Variants in HNF1B observed in about 807,000 individuals in gnomAD.
HNF1B encodes hepatocyte nuclear factor 1-beta.
A neutral mutation model predicts 61.7 loss-of-function variants in HNF1B; 8 were observed. The observed-to-expected ratio is 0.13, with a 90% confidence interval of 0.08 to 0.23. The LOEUF is 0.23. Ranked by LOEUF, HNF1B falls within the 10% of genes least tolerant of loss-of-function variation. The pLI, the probability that HNF1B is intolerant of heterozygous loss-of-function variation, is 1.00. For synonymous variants in HNF1B, 314 were observed against 287.7 expected (o/e 1.09, Z -0.93); for missense variants, 562 against 714.5 (o/e 0.79, Z 2.43).
intron 4 of HNF1B, among the ~76,000 whole-genome samples, chr17:37,716,628 A>G (rs1467219761): frequency 1.3e-5 from 2 of 152,164 alleles, no homozygotes; most frequent in African/African-American, 4.8e-5. Flanking sequence ...CTGTGTGTTC[A>G]AAGACAAACA....
intron 4 of HNF1B, among the ~76,000 whole-genome samples, chr17:37,720,487 G>C (rs979903263): frequency 6.6e-6 from 1 of 151,674 alleles, no homozygotes; most frequent in East Asian, 1.9e-4. Flanking sequence ...CTAGAGAAGA[G>C]AAAATATGCC....
chr17:37,714,501 C>A (rs2033040704), intron 4 of HNF1B, among the ~76,000 whole-genome samples: 1 of 152,194 alleles, frequency 6.6e-6, no homozygotes, highest in African/African-American at 2.4e-5. Context: ...AGCCATTCAC[C>A]TTCTACTTAC....
chr17:37,730,312 G>A (rs1259536244), intron 4 of HNF1B: 1 of 152,612 alleles, frequency 6.6e-6, no homozygotes, highest in African/African-American at 2.4e-5. Context: ...CCCTAAAGGG[G>A]CGAAGTTACT....
chr17:37,709,697 C>T (rs2032869713), intron 5 of HNF1B, among the ~76,000 whole-genome samples: 1 of 152,134 alleles, frequency 6.6e-6, no homozygotes, highest in African/African-American at 2.4e-5. Flanking sequence ...ATTTACACGA[C>T]AACAACAACA....
intron 8 of HNF1B, among the ~76,000 whole-genome samples, chr17:37,697,857 G>GAT: frequency 6.6e-6 from 1 of 152,256 alleles, no homozygotes; most frequent in South Asian, 2.1e-4. Context: ...GTGTGTTTCA[G>GAT]TGCCCAAGAC....
intron 4 of HNF1B, among the ~76,000 whole-genome samples, chr17:37,727,922 C>G (rs930285907): frequency 7.9e-5 from 12 of 151,960 alleles, no homozygotes; most frequent in African/African-American, 2.9e-4. Flanking sequence ...CTTGTTCCCC[C>G]CAGCTCAGTC....
Position 37,739,600 on chromosome 17 carries a change from G to A in HNF1B, c.384C>T (p.Tyr128=), listed in dbSNP as rs1167655199. The A allele has an allele frequency of 6.2e-7, 1 of 1,613,898 alleles. No homozygotes were observed. Among genetic ancestry groups the A allele is most frequent in the Non-Finnish European group, 8.5e-7 (1 of 1,179,976 alleles). Residue 128 remains tyrosine, a synonymous_variant, in exon 2 of 9, where the codon TAC becomes TAT. Transcript: ENST00000617811. ...PWRAAKMIKG[Y]MQQHNIPQRE... ...TCTGGGGGATGTTGTGTTGCTGCAT[G>A]TAACCCTTGATCATTTTAGCAGCCC... is the stretch of plus-strand genomic sequence containing the variant.
chr17:37,709,077 C>T (rs1171791966), intron 5 of HNF1B, among the ~76,000 whole-genome samples: 1 of 152,032 alleles, frequency 6.6e-6, no homozygotes, highest in African/African-American at 2.4e-5. Context: ...ATCTGCGGCT[C>T]CTCCCTCCCC....
chr17:37,740,207 G>A (rs993139681), intron 1 of HNF1B, among the ~76,000 whole-genome samples: 3 of 152,134 alleles, frequency 2.0e-5, no homozygotes, highest in African/African-American at 7.2e-5. Flanking sequence ...GACCTTAGGT[G>A]ATCCATCTGC....
At chr17:37,711,274 G>A (rs1030401152) in intron 4 of HNF1B, among the ~76,000 whole-genome samples, 17 of 152,196 alleles carry the variant, frequency 1.1e-4, no homozygotes, top group African/African-American at 3.9e-4. Flanking sequence ...ATGAAGCTGC[G>A]TCTAGGAGCT....
At chr17:37,704,063 C>A (rs2032658466) in intron 6 of HNF1B, among the ~76,000 whole-genome samples, 1 of 152,188 alleles carries the variant, frequency 6.6e-6, no homozygotes, top group Non-Finnish European at 1.5e-5. Context: ...AGCAATACAT[C>A]CAAGGGTCAC....
chr17:37,686,461 G>A lies in HNF1B; in HGVS notation c.*911C>T, dbSNP rs1324287125. ...ATAAAATAAATTGTTTTAATGGAAG[G>A]CTTTCTGAGACTGCAACTTTTTCTT... On this transcript the variant is annotated 3_prime_UTR_variant, in exon 9 of 9. Coordinates refer to ENST00000617811, the MANE Select transcript of HNF1B (RefSeq NM_000458.4). 1 of 152,156 alleles carries A rather than the reference G, an allele frequency of 6.6e-6. No individual in the cohort carries two copies. The highest frequency in any genetic ancestry group is 2.1e-4 in the South Asian group (1 of 4,828). 9.4% of individuals were successfully genotyped at this position (152,156 alleles called of 1,614,324 possible).
intron 4 of HNF1B, among the ~76,000 whole-genome samples, chr17:37,717,732 A>G (rs1294233124): frequency 6.6e-6 from 1 of 152,234 alleles, no homozygotes; most frequent in African/African-American, 2.4e-5. Context: ...GAATGTGAAC[A>G]ATTCCCTGGC....
At chr17:37,740,850 T>G (rs1441283161) in intron 1 of HNF1B, among the ~76,000 whole-genome samples, 1 of 152,248 alleles carries the variant, frequency 6.6e-6, no homozygotes, top group Admixed American at 6.5e-5. Context: ...ACCTTTGAAT[T>G]TTATTTGTCT....
intron 5 of HNF1B, among the ~76,000 whole-genome samples, chr17:37,705,532 AT>A (rs1213811895): frequency 4.0e-5 from 6 of 151,854 alleles, no homozygotes; most frequent in Admixed American, 3.3e-4. Flanking sequence ...ACATTACAAA[AT>A]TTTTTTTCTT....
intron 8 of HNF1B, among the ~76,000 whole-genome samples, chr17:37,688,350 T>C (rs2032052449): frequency 6.6e-6 from 1 of 150,468 alleles, no homozygotes; most frequent in Non-Finnish European, 1.5e-5. Context: ...TGCCTTTGAC[T>C]TAGTGGCTTA....
rs750715350 is a variant in HNF1B, at chr17:37,710,572, C to T, written c.1137G>A (p.Ser379=). Residue 379 remains serine, a synonymous_variant, in exon 5 of 9, where the codon TCG becomes TCA. Transcript: ENST00000617811. The part of the protein sequence containing the change: ...HGNSAMVTSQ[S]VLQQVSPASL... ...TGGCTGGGGAGACTTGCTGTAAAACCGACTGGCTGGTCACCATGGCGCTGT... is the reference window on the plus strand; with the variant it reads ...TGGCTGGGGAGACTTGCTGTAAAACTGACTGGCTGGTCACCATGGCGCTGT... 3.1e-6 allele frequency: 5 copies of T among 1,614,018 alleles called. No individual in the cohort carries two copies. Among genetic ancestry groups the T allele is most frequent in the Middle Eastern group, 1.6e-4 (1 of 6,074 alleles).
In HNF1B at chr17:37,710,604, G is replaced by A. The variant is rs2147473921; in HGVS notation, c.1105C>T (p.His369Tyr). The A allele has an allele frequency of 1.2e-6, 2 of 1,613,922 alleles. No homozygotes were observed. The highest frequency in any genetic ancestry group is 1.7e-6 in the Non-Finnish European group (2 of 1,179,996). ...CTGGTCACCATGGCGCTGTTGCCAT[G>A]GTGACTGATTGTTGAGGAGGAAGTG... ...EITSSSTISH[H>Y]GNSAMVTSQS... Residue 369 changes from histidine to tyrosine, a missense_variant, in exon 5 of 9, where the codon CAT (histidine) becomes TAT (tyrosine). By Grantham distance (83) the His-to-Tyr change is moderately conservative. Transcript: ENST00000617811.
intron 1 of HNF1B, among the ~76,000 whole-genome samples, chr17:37,742,307 C>T (rs2034016869): frequency 6.6e-6 from 1 of 152,260 alleles, no homozygotes; most frequent in Admixed American, 6.5e-5. Flanking sequence ...AGGCCAGCTC[C>T]GGCCGGGAGC....
Sources: allele counts gnomAD v4.1 joint callset (sites outside exome capture counted in the v4.1 genomes callset), GRCh38; gene constraint gnomAD v4.1.1; transcripts MANE v1.5; gene names NCBI Gene and HGNC (gene_info 2026-07-23, HGNC 2026-07-21).